IGFBP7: variants seen among roughly 807,000 people sequenced by gnomAD.
The protein encoded by IGFBP7 is insulin like growth factor binding protein 7.
A neutral mutation model predicts 29.4 loss-of-function variants in IGFBP7; 31 were observed. That is an observed-to-expected ratio of 1.05 (90% CI 0.79 to 1.42). IGFBP7 has a LOEUF of 1.42. Ranked by LOEUF, IGFBP7 falls within the 40% of genes most tolerant of loss-of-function variation. IGFBP7 has a pLI of 0.00. For synonymous variants in IGFBP7, 172 were observed against 174.9 expected, an observed-to-expected ratio of 0.98 and a Z score of 0.13; for missense variants, 393 against 395.5, an observed-to-expected ratio of 0.99 and a Z score of 0.05.
chr4:57,092,839 G>C (rs1478585442), intron 1 of IGFBP7, among the ~76,000 whole-genome samples: 1 of 150,706 alleles, frequency 6.6e-6, no homozygotes, highest in African/African-American at 2.4e-5. Context: ...TACAAATATA[G>C]ATTTATAAAT....
In IGFBP7 at chr4:57,062,875, A is replaced by G. The variant is rs541277374; in HGVS notation, c.476-21942T>C. Among the ~76,000 whole-genome samples the G allele has an allele frequency of 5.9e-5, 9 of 152,350 alleles. No individual in the cohort carries two copies. The South Asian group carries it at 6.2e-4, about 11-fold the overall frequency. The stretch of plus-strand genomic sequence containing the variant: ...GGGATTTGAAATGTTTTAGATTTAC[A>G]TCTTCCTCTTGAGAAAAACTTTCTA... On this transcript the variant is annotated intron_variant, in intron 1 of 4. Transcript: ENST00000295666.
At chr4:57,042,895 T>G (rs1724265353) in intron 1 of IGFBP7, among the ~76,000 whole-genome samples, 3 of 152,222 alleles carry the variant, frequency 2.0e-5, no homozygotes, top group Admixed American at 2.0e-4. Flanking sequence ...GATGCCTAAA[T>G]AAGACATTAT....
intron 1 of IGFBP7, among the ~76,000 whole-genome samples, chr4:57,063,607 A>G (rs1724848111): frequency 6.6e-6 from 1 of 152,260 alleles, no homozygotes; most frequent in African/African-American, 2.4e-5. Context: ...TATGCTAGAC[A>G]TAGCTAGCTA....
chr4:57,087,559 G>A (rs182870219), intron 1 of IGFBP7, among the ~76,000 whole-genome samples: 2 of 152,166 alleles, frequency 1.3e-5, no homozygotes, highest in African/African-American at 2.4e-5. Flanking sequence ...AAGGGGAGGA[G>A]TGGACCAGAG....
chr4:57,070,758 C>G (rs1361146644), intron 1 of IGFBP7, among the ~76,000 whole-genome samples: 1 of 152,196 alleles, frequency 6.6e-6, no homozygotes. Context: ...ACAACACAAG[C>G]CAGCTCACAA....
Position 57,090,503 on chromosome 4 carries a change from T to C in IGFBP7, c.475+19374A>G, listed in dbSNP as rs537491379. ...AACAGTTAATTTGTTCCTCACAAAGTTCTTAATGCTCTTCAGTGATAGAGG... is the reference window on the plus strand; with the variant it reads ...AACAGTTAATTTGTTCCTCACAAAGCTCTTAATGCTCTTCAGTGATAGAGG... On this transcript the variant is annotated intron_variant, in intron 1 of 4. Transcript: ENST00000295666. Among the ~76,000 whole-genome samples the C allele has an allele frequency of 3.3e-5, 5 of 152,294 alleles. No individual in the cohort carries two copies. The East Asian group carries it at 7.7e-4, about 24-fold the overall frequency.
rs942974010 is a variant in IGFBP7 at position 57,110,185 on chromosome 4, G to A, written c.167C>T (p.Ala56Val). The change falls in exon 1 of 5, where the codon GCG (alanine) becomes GTG (valine). Residue 56 changes from alanine (A) to valine (V), a missense_variant. Physicochemically the swap from Ala to Val is moderately conservative, Grantham distance 64. Transcript: ENST00000295666. ...LGCLLGETRD[A>V]CGCCPMCARG... ...GGCGCACATAGGGCAGCAGCCGCAC[G>A]CGTCGCGGGTCTCGCCCAGCAGGCA... 47 of 1,390,368 alleles carry A rather than the reference G, an allele frequency of 3.4e-5. No homozygotes were observed. Among genetic ancestry groups the A allele is most frequent in the Non-Finnish European group, 4.1e-5 (44 of 1,081,772 alleles). 86.1% of individuals were successfully genotyped at this position (1,390,368 alleles called of 1,614,324 possible).
At chr4:57,068,526 T>C (rs911729449) in intron 1 of IGFBP7, among the ~76,000 whole-genome samples, 6 of 151,668 alleles carry the variant, frequency 4.0e-5, no homozygotes, top group African/African-American at 1.5e-4. Flanking sequence ...CAGAGAAAAA[T>C]AAAGGAGGCT....
At chr4:57,105,351 A>G (rs974085500) in intron 1 of IGFBP7, among the ~76,000 whole-genome samples, 2 of 152,216 alleles carry the variant, frequency 1.3e-5, no homozygotes, top group Non-Finnish European at 2.9e-5. Context: ...TGCCTAGCCA[A>G]TTCATAGGTT....
chr4:57,057,093 C>T (rs1724692314), intron 1 of IGFBP7, among the ~76,000 whole-genome samples: 1 of 152,082 alleles, frequency 6.6e-6, no homozygotes, highest in African/African-American at 2.4e-5. Context: ...GCAGCTTCGT[C>T]CTTTAGGGCT....
chr4:57,107,694 A>G (rs1466247407), intron 1 of IGFBP7, among the ~76,000 whole-genome samples: 1 of 152,204 alleles, frequency 6.6e-6, no homozygotes, highest in Non-Finnish European at 1.5e-5. Flanking sequence ...ATTTAAGTCA[A>G]GGTTTCCAGT....
chr4:57,033,648 C>T (rs1724006836), intron 2 of IGFBP7, among the ~76,000 whole-genome samples: 1 of 152,128 alleles, frequency 6.6e-6, no homozygotes, highest in Admixed American at 6.5e-5. Context: ...GGCCTTTTGC[C>T]TGTCATGCCA....
At chr4:57,061,023 T>TTG (rs1560497571) in intron 1 of IGFBP7, among the ~76,000 whole-genome samples, 1 of 151,588 alleles carries the variant, frequency 6.6e-6, no homozygotes, top group Non-Finnish European at 1.5e-5. Context: ...AGCCACTGGA[T>TTG]TGCAGCCTGG....
chr4:57,074,039 ATC>A (rs10569950), intron 1 of IGFBP7, among the ~76,000 whole-genome samples: 15,213 of 107,366 alleles, frequency 0.14, 1,006 homozygotes, highest in African/African-American at 0.25. Flanking sequence ...TGGAAAATGC[ATC>A]TCTCTCTCTC....
chr4:57,032,671 ACT>A, intron 3 of IGFBP7, 119 bp from the exon 4 acceptor site: 1 of 820,662 alleles, frequency 1.2e-6, no homozygotes, highest in Admixed American at 1.8e-5. Flanking sequence ...TAGCAAAGGT[ACT>A]GCTAGAAGCA....
intron 1 of IGFBP7, among the ~76,000 whole-genome samples, chr4:57,080,314 G>A (rs1047789395): frequency 6.6e-6 from 1 of 152,168 alleles, no homozygotes; most frequent in African/African-American, 2.4e-5. Context: ...TTCTCTACCT[G>A]TCTAAGATTC....
At chr4:57,034,396 A>G (rs1400758955) in intron 2 of IGFBP7, among the ~76,000 whole-genome samples, 1 of 152,054 alleles carries the variant, frequency 6.6e-6, no homozygotes, top group East Asian at 1.9e-4. Flanking sequence ...ATTCCATCCC[A>G]GATCTCCTTT....
intron 1 of IGFBP7, among the ~76,000 whole-genome samples, chr4:57,045,084 C>A (rs1477415467): frequency 6.6e-6 from 1 of 152,142 alleles, no homozygotes; most frequent in African/African-American, 2.4e-5. Context: ...AATATTAGGA[C>A]AAATCATATC....
chr4:57,031,262 A>G lies in IGFBP7; in HGVS notation c.*55T>C. The G allele has an allele frequency of 7.1e-7, 1 of 1,416,414 alleles. No individual in the cohort carries two copies. Among genetic ancestry groups the G allele is most frequent in the Non-Finnish European group, 1.0e-6 (1 of 1,001,978 alleles). The allele number at this position is 1,416,414 out of a possible 1,614,324, so 87.7% of individuals were successfully genotyped here. Reference sequence around the variant, plus strand: ...AGAAACTTATTAGGCAAGAACAGGTAATGTAGTTATCCATGACTACTTTTA... The same window carrying G: ...AGAAACTTATTAGGCAAGAACAGGTGATGTAGTTATCCATGACTACTTTTA... On this transcript the variant is annotated 3_prime_UTR_variant, in exon 5 of 5. Transcript: ENST00000295666.
Sources: gnomAD v4.1 joint callset for allele counts (sites outside exome capture counted in the v4.1 genomes callset) on GRCh38, gnomAD v4.1.1 for gene constraint, MANE v1.5 for transcripts, NCBI Gene and HGNC (gene_info 2026-07-23, HGNC 2026-07-21) for gene names.